Variants in STK38L observed in about 807,000 individuals in gnomAD.
The protein encoded by STK38L is serine/threonine kinase 38 like.
Under a neutral mutation model 59.7 loss-of-function variants are expected in STK38L, and 28 were observed. The observed-to-expected ratio is 0.47, with a 90% CI of 0.35 to 0.64. STK38L has a LOEUF of 0.64. STK38L is among the 30% of genes least tolerant of loss of function. The pLI is 0.01. For synonymous variants in STK38L, 162 were observed against 176.8 expected, an observed-to-expected ratio of 0.92 and a Z score of 0.66; for missense variants, 314 against 555.8, an observed-to-expected ratio of 0.56 and a Z score of 4.37.
chr12:27,266,952 T>C (rs947360551), intron 1 of STK38L, among the ~76,000 whole-genome samples: 3 of 152,206 alleles, frequency 2.0e-5, no homozygotes, highest in Non-Finnish European at 2.9e-5. Context: ...CTCAGACATA[T>C]TTAAGAAAAA....
intron 1 of STK38L, among the ~76,000 whole-genome samples, chr12:27,288,775 C>A (rs1370057740): frequency 2.0e-5 from 3 of 151,212 alleles, no homozygotes; most frequent in African/African-American, 7.3e-5. Flanking sequence ...CTGAATATTT[C>A]CTCCTTTACA....
Position 27,322,748 on chromosome 12 carries a change from G to A in STK38L, c.*293G>A. On this transcript the variant is annotated 3_prime_UTR_variant, in exon 14 of 14. Coordinates refer to ENST00000389032, the MANE Select transcript of STK38L (RefSeq NM_015000.4). ...CTGCACTGCCTACATGCGTATTAAG[G>A]TCCATTCTGCCTGTGTGTGCTGTGG... is the stretch of plus-strand genomic sequence containing the variant. The A allele has an allele frequency of 4.4e-6, 1 of 229,316 alleles. No homozygotes were observed. Among genetic ancestry groups the A allele is most frequent in the Non-Finnish European group, 8.4e-6 (1 of 118,680 alleles). 14.2% of individuals were successfully genotyped at this position (229,316 alleles called of 1,614,324 possible). A position where few individuals can be genotyped will look rare whatever the true frequency, so the allele number is the denominator to read the frequency against.
chr12:27,280,167 A>G (rs767879358), intron 1 of STK38L, among the ~76,000 whole-genome samples: 14 of 152,328 alleles, frequency 9.2e-5, no homozygotes, highest in Non-Finnish European at 1.3e-4. Context: ...TCTAAGATAT[A>G]TAGTAGTCAT....
chr12:27,325,112 T>A lies in STK38L; in HGVS notation c.*2657T>A, dbSNP rs2136656458. On this transcript the variant is annotated 3_prime_UTR_variant, in exon 14 of 14. Coordinates refer to ENST00000389032, the MANE Select transcript of STK38L (RefSeq NM_015000.4). ...TAAAGCAAGTTATGTTATTTTTCTT[T>A]TATGCATTTATTACTAACATAGCTT... 6.6e-6 allele frequency: 1 copy of A among 152,258 alleles called. No homozygotes were observed. Among genetic ancestry groups the A allele is most frequent in the South Asian group, 2.1e-4 (1 of 4,830 alleles). 9.4% of individuals were successfully genotyped at this position (152,258 alleles called of 1,614,324 possible). A position where few individuals can be genotyped will look rare whatever the true frequency, so the allele number is the denominator to read the frequency against.
Position 27,322,643 on chromosome 12 carries a change from T to C in STK38L, c.*188T>C. 1 of 542,852 alleles carries C rather than the reference T, an allele frequency of 1.8e-6. No individual in the cohort carries two copies. Among genetic ancestry groups the C allele is most frequent in the Non-Finnish European group, 2.9e-6 (1 of 346,652 alleles). The allele number at this position is 542,852 out of a possible 1,614,324, so 33.6% of individuals were successfully genotyped here. A position where few individuals can be genotyped will look rare whatever the true frequency, so the allele number is the denominator to read the frequency against. The stretch of plus-strand genomic sequence containing the variant: ...ATTGGTTGGCAGTGCCAGCTGGCTC[T>C]TTTTTTTAATATTTTATTATTTTTG... On this transcript the variant is annotated 3_prime_UTR_variant, in exon 14 of 14. Coordinates refer to ENST00000389032, the MANE Select transcript of STK38L (RefSeq NM_015000.4).
At chr12:27,286,022 T>C (rs1943763593) in intron 1 of STK38L, among the ~76,000 whole-genome samples, 1 of 152,202 alleles carries the variant, frequency 6.6e-6, no homozygotes, top group Non-Finnish European at 1.5e-5. Context: ...CAAAAAACTG[T>C]TGCCCTAAAA....
At chr12:27,273,274 G>A (rs763521229) in intron 1 of STK38L, among the ~76,000 whole-genome samples, 3 of 152,106 alleles carry the variant, frequency 2.0e-5, no homozygotes, top group Non-Finnish European at 4.4e-5. Flanking sequence ...ACTGGGAGCC[G>A]AATGGTGCCT....
intron 12 of STK38L, among the ~76,000 whole-genome samples, chr12:27,320,153 T>C (rs1169195028): frequency 6.6e-6 from 1 of 152,236 alleles, no homozygotes; most frequent in Non-Finnish European, 1.5e-5. Context: ...CTGCTGCCTC[T>C]ACCCCTACCC....
intron 1 of STK38L, among the ~76,000 whole-genome samples, chr12:27,257,005 C>G (rs1943104513): frequency 6.6e-6 from 1 of 152,168 alleles, no homozygotes. Context: ...AGGTATATAC[C>G]TCACTTACCT....
At chr12:27,247,388 T>C (rs1018197012) in intron 1 of STK38L, among the ~76,000 whole-genome samples, 2 of 152,242 alleles carry the variant, frequency 1.3e-5, no homozygotes, top group Admixed American at 6.5e-5. Flanking sequence ...ATCTGTAGTT[T>C]CAAAAACTTG....
At chr12:27,266,939 TCC>T (rs1481890088) in intron 1 of STK38L, among the ~76,000 whole-genome samples, 2 of 152,236 alleles carry the variant, frequency 1.3e-5, no homozygotes. Flanking sequence ...GAACCTGTTT[TCC>T]CTCAGACATA....
intron 1 of STK38L, among the ~76,000 whole-genome samples, chr12:27,294,540 T>C (rs1286117981): frequency 2.0e-5 from 3 of 151,438 alleles, no homozygotes; most frequent in Non-Finnish European, 4.4e-5. Context: ...GGAAGTCTTA[T>C]AGTAAGAAAC....
intron 1 of STK38L, among the ~76,000 whole-genome samples, chr12:27,254,165 C>T (rs961905060): frequency 4.6e-5 from 7 of 152,174 alleles, no homozygotes; most frequent in Admixed American, 1.3e-4. Flanking sequence ...TTCAAGAGCA[C>T]CTGACTTGAG....
Position 27,248,498 on chromosome 12 carries a change from G to T in STK38L, c.-12+4166G>T, listed in dbSNP as rs80255745. ...AATCACAAATTCAATTGGATTTAAA[G>T]GTTAGAAAAAAAGTATACCTAGGCA... On this transcript the variant is annotated intron_variant, in intron 1 of 13. Coordinates refer to ENST00000389032, the MANE Select transcript of STK38L (RefSeq NM_015000.4). Among the ~76,000 whole-genome samples, 19 of 152,264 alleles carry T rather than the reference G, an allele frequency of 1.2e-4. No homozygotes were observed. The South Asian group carries it at 3.9e-3, about 32-fold the overall frequency.
chr12:27,284,109 G>A (rs995685224), intron 1 of STK38L, among the ~76,000 whole-genome samples: 1 of 152,220 alleles, frequency 6.6e-6, no homozygotes, highest in African/African-American at 2.4e-5. Flanking sequence ...TCCACAGATC[G>A]GTAATTGTGA....
intron 3 of STK38L, among the ~76,000 whole-genome samples, chr12:27,303,125 T>C (rs2100839): frequency 0.4 from 60,434 of 151,684 alleles, 12,292 homozygotes; most frequent in Admixed American, 0.48. Context: ...ATGAATTTCT[T>C]TGATGTCCCC....
Position 27,317,321 on chromosome 12 carries a change from G to A in STK38L, c.838-15G>A, listed in dbSNP as rs775616440. On this transcript the variant is annotated splice_polypyrimidine_tract_variant and intron_variant, in intron 9 of 13. Transcript: ENST00000389032. ...AATGTTAAGAATGCTGGTTTGACGA[G>A]TTGCTCCTTTGTAGGCATATTCCAC... 3 of 1,567,248 alleles carry A rather than the reference G, an allele frequency of 1.9e-6. No homozygotes were observed. Among genetic ancestry groups the A allele is most frequent in the African/African-American group, 1.4e-5 (1 of 73,298 alleles).
At chr12:27,318,361 C>G (rs1944638453) in intron 11 of STK38L, among the ~76,000 whole-genome samples, 1 of 152,148 alleles carries the variant, frequency 6.6e-6, no homozygotes, top group South Asian at 2.1e-4. Context: ...GTAAAATCTT[C>G]TAAGCAAAAA....
chr12:27,318,986 G>GT (rs1301493229), intron 11 of STK38L, among the ~76,000 whole-genome samples: 1 of 152,014 alleles, frequency 6.6e-6, no homozygotes, highest in Non-Finnish European at 1.5e-5. Context: ...GCGAGACTCC[G>GT]TCTCACAAAC....
Sources: gnomAD v4.1 joint callset for allele counts (sites outside exome capture counted in the v4.1 genomes callset) on GRCh38, gnomAD v4.1.1 for gene constraint, MANE v1.5 for transcripts, NCBI Gene and HGNC (gene_info 2026-07-23, HGNC 2026-07-21) for gene names.